PDE1A: variants seen among roughly 807,000 people sequenced by gnomAD.
The protein encoded by PDE1A is phosphodiesterase 1A, also known as dual specificity calcium/calmodulin-dependent 3',5'-cyclic nucleotide phosphodiesterase 1A.
A neutral mutation model predicts 61.7 loss-of-function variants in PDE1A; 35 were observed. That is an observed-to-expected ratio of 0.57 (90% CI 0.43 to 0.75). The LOEUF (loss-of-function observed/expected upper bound fraction) is 0.75. Ranked by LOEUF, PDE1A falls within the 30% of genes least tolerant of loss-of-function variation. PDE1A has a pLI of 0.00. For synonymous variants in PDE1A, 232 were observed against 213.2 expected (o/e 1.09, Z -0.77); for missense variants, 597 against 630.6 (o/e 0.95, Z 0.57).
downstream of PDE1A, among the ~76,000 whole-genome samples, chr2:182,163,376 A>G (rs535308641): frequency 6.6e-6 from 1 of 152,206 alleles, no homozygotes; most frequent in South Asian, 2.1e-4. Context: ...CTTCAGCCCT[A>G]TGTCATAATC....
intron 1 of PDE1A, among the ~76,000 whole-genome samples, chr2:182,298,438 T>C (rs1457765852): frequency 6.6e-6 from 1 of 152,114 alleles, no homozygotes; most frequent in Non-Finnish European, 1.5e-5. Flanking sequence ...GTAAGTCCTA[T>C]ATGGTGAAGT....
the PDE1A span, among the ~76,000 whole-genome samples, chr2:182,671,336 TAA>T: frequency 2.3e-5 from 3 of 131,810 alleles, 1 homozygote; most frequent in South Asian, 8.2e-4. Context: ...CACGACTGGC[TAA>T]TTTTTTTTTT....
chr2:182,364,024 T>C (rs1309101517), intron 1 of PDE1A, among the ~76,000 whole-genome samples: 1 of 152,016 alleles, frequency 6.6e-6, no homozygotes, highest in African/African-American at 2.4e-5. Flanking sequence ...GTTCCATTTA[T>C]GCTCTGCCTC....
At chr2:182,488,178 A>G (rs1212343124) in intron 2 of PDE1A, among the ~76,000 whole-genome samples, 1 of 152,196 alleles carries the variant, frequency 6.6e-6, no homozygotes, top group Non-Finnish European at 1.5e-5. Flanking sequence ...ATATGTTTTA[A>G]TAAATCAGAA....
At chr2:182,271,369 G>C (rs1456322521) in intron 1 of PDE1A, among the ~76,000 whole-genome samples, 1 of 151,952 alleles carries the variant, frequency 6.6e-6, no homozygotes. Flanking sequence ...ATTTAAAGGA[G>C]CAAAATAATC....
intron 2 of PDE1A, among the ~76,000 whole-genome samples, chr2:182,500,670 C>T (rs374895943): frequency 6.6e-6 from 1 of 152,068 alleles, no homozygotes; most frequent in Non-Finnish European, 1.5e-5. Context: ...TAAATATTGA[C>T]ATAACTCACA....
intron 7 of PDE1A, among the ~76,000 whole-genome samples, chr2:182,207,547 T>C (rs377731445): frequency 2.4e-4 from 37 of 152,356 alleles, no homozygotes; most frequent in Non-Finnish European, 4.3e-4. Context: ...CTGGAACTTA[T>C]ATTTAAAAGA....
chr2:182,391,920 TA>T, intron 1 of PDE1A, among the ~76,000 whole-genome samples: 1 of 152,212 alleles, frequency 6.6e-6, no homozygotes, highest in African/African-American at 2.4e-5. Context: ...ATTTTAATTA[TA>T]AAAATAGGGA....
the PDE1A span, among the ~76,000 whole-genome samples, chr2:182,617,137 T>G: frequency 6.6e-6 from 1 of 151,800 alleles, no homozygotes; most frequent in East Asian, 1.9e-4. Flanking sequence ...ATGCCAAATA[T>G]CCTACACTAA....
At chr2:182,399,184 AT>A (rs1701865337) in intron 1 of PDE1A, among the ~76,000 whole-genome samples, 1 of 151,926 alleles carries the variant, frequency 6.6e-6, no homozygotes, top group Non-Finnish European at 1.5e-5. Context: ...ATTTCTTAGT[AT>A]TTTTAACCCA....
At chr2:182,300,403 A>G (rs1695162735) in intron 1 of PDE1A, among the ~76,000 whole-genome samples, 1 of 152,132 alleles carries the variant, frequency 6.6e-6, no homozygotes, top group Admixed American at 6.6e-5. Context: ...ATTGCGATCA[A>G]TTGTTGGGAG....
the PDE1A span, among the ~76,000 whole-genome samples, chr2:182,658,047 T>TAAAAAAAAAAAAAAAAAAA: frequency 3.0e-5 from 2 of 66,674 alleles, no homozygotes; most frequent in African/African-American, 1.4e-4. Context: ...AGCTTCTCAG[T>TAAAAAAAAAAAAAAAAAAA]AAAAAAAAAA....
At chr2:182,588,324 T>G in the PDE1A span, among the ~76,000 whole-genome samples, 1 of 152,214 alleles carries the variant, frequency 6.6e-6, no homozygotes, top group South Asian at 2.1e-4. Flanking sequence ...TTTTGATTTT[T>G]AGCACATTTC....
chr2:182,589,269 G>GAGGGAGGAAGGAAGGAAGGAGGGA, the PDE1A span, among the ~76,000 whole-genome samples: 1 of 121,852 alleles, frequency 8.2e-6, no homozygotes, highest in African/African-American at 3.0e-5. Flanking sequence ...GGGAGGGAGG[G>GAGGGAGGAAGGAAGGAAGGAGGGA]AGGAAGGAAG....
intron 1 of PDE1A, among the ~76,000 whole-genome samples, chr2:182,300,937 G>A (rs1287681055): frequency 1.3e-5 from 2 of 152,104 alleles, no homozygotes; most frequent in Admixed American, 6.5e-5. Flanking sequence ...AATCAGAGAC[G>A]AACTTGCAAG....
intron 3 of PDE1A, among the ~76,000 whole-genome samples, chr2:182,234,947 G>A (rs1406240347): frequency 1.3e-5 from 2 of 152,122 alleles, no homozygotes; most frequent in Admixed American, 1.3e-4. Context: ...AGGGGGATAT[G>A]TAGTATCATC....
In PDE1A at chr2:182,186,368, G is replaced by C. The variant is rs1685205735; in HGVS notation, c.1328+100C>G. On this transcript the variant is annotated intron_variant, in intron 12 of 13. Coordinates refer to ENST00000351439, the Ensembl canonical transcript of PDE1A. ...GTGGCAATACTCCCTAATAATTCTTGTGAGAATTCTCTGCCTAGATGTGAG... is the reference window on the plus strand; with the variant it reads ...GTGGCAATACTCCCTAATAATTCTTCTGAGAATTCTCTGCCTAGATGTGAG... The C allele has an allele frequency of 2.9e-6, 4 of 1,372,360 alleles. No homozygotes were observed. The East Asian group carries it at 6.9e-5, about 24-fold the overall frequency. 85.0% of individuals were successfully genotyped at this position (1,372,360 alleles called of 1,614,324 possible).
chr2:182,315,522 A>G (rs536485174), intron 1 of PDE1A, among the ~76,000 whole-genome samples: 12 of 152,222 alleles, frequency 7.9e-5, no homozygotes, highest in Non-Finnish European at 1.2e-4. Context: ...TTTATTTTAC[A>G]TGTATTGGTT....
At chr2:182,714,597 G>T in the PDE1A span, among the ~76,000 whole-genome samples, 3 of 151,336 alleles carry the variant, frequency 2.0e-5, no homozygotes, top group East Asian at 5.8e-4. Context: ...ACAGAGTCTT[G>T]CTCTGTACCC....
Sources: allele counts gnomAD v4.1 joint callset (sites outside exome capture counted in the v4.1 genomes callset), GRCh38; gene constraint gnomAD v4.1.1; transcripts MANE v1.5; gene names NCBI Gene and HGNC (gene_info 2026-07-23, HGNC 2026-07-21).